The following MCTP1 variants were observed in gnomAD, a reference collection of about 807,000 sequenced individuals.
The protein encoded by MCTP1 is multiple C2 and transmembrane domain containing 1.
In MCTP1, 69 loss-of-function variants were observed where a neutral mutation model predicts 120.6. That is an observed-to-expected ratio of 0.57 (90% CI 0.47 to 0.70). MCTP1 has a LOEUF of 0.70. Among genes scored for constraint, MCTP1 ranks in the 30% least tolerant of loss-of-function variants. MCTP1 has a pLI of 0.00. For missense variants in MCTP1, 1,203 were observed against 1,248.8 expected (o/e 0.96, Z 0.55); for synonymous variants, 529 against 493.1 (o/e 1.07, Z -0.96).
At chr5:94,871,497 G>T in intron 13 of MCTP1, 80 bp from the exon 14 acceptor site, 1 of 928,006 alleles carries the variant, frequency 1.1e-6, no homozygotes, top group Non-Finnish European at 1.7e-6. Context: ...AATTTAGATA[G>T]CTCCAGCTGA....
At chr5:94,975,908 G>A (rs150397523) in intron 2 of MCTP1, among the ~76,000 whole-genome samples, 33 of 152,180 alleles carry the variant, frequency 2.2e-4, no homozygotes, top group Non-Finnish European at 4.4e-4. Context: ...AGGCCTTGCT[G>A]TTTATTTCTG....
chr5:94,790,947 TA>T (rs1258560677), intron 18 of MCTP1, among the ~76,000 whole-genome samples: 2 of 151,816 alleles, frequency 1.3e-5, no homozygotes, highest in Non-Finnish European at 2.9e-5. Flanking sequence ...AAAATTTCTT[TA>T]GGATTTTCTT....
chr5:95,284,075 G>A lies in MCTP1; in HGVS notation c.501C>T (p.Ser167=). The change falls in exon 1 of 23, where the codon TCC becomes TCT. Residue 167 remains serine (S), a synonymous_variant. Transcript: ENST00000515393. This position sits in a 1 kb window ranked among gnomAD's most constrained non-coding sequence, Gnocchi z 5.2. ...CCCTCGGGGGAGGCTGGGGCGAGGAGGACAGGGAGGATGAGGCGGAGGAAG... is the reference window on the plus strand; with the variant it reads ...CCCTCGGGGGAGGCTGGGGCGAGGAAGACAGGGAGGATGAGGCGGAGGAAG... ...PSSSSASSSL[S]SSPQPPPRGD... The A allele has an allele frequency of 6.5e-7, 1 of 1,548,988 alleles. No homozygotes were observed. The highest frequency in any genetic ancestry group is 2.4e-5 in the East Asian group (1 of 41,104).
intron 19 of MCTP1, among the ~76,000 whole-genome samples, chr5:94,777,549 C>T (rs947949409): frequency 2.0e-5 from 3 of 152,124 alleles, no homozygotes; most frequent in Admixed American, 6.6e-5. Context: ...GAAATGCCTG[C>T]TGCTGGGGTG....
intron 7 of MCTP1, among the ~76,000 whole-genome samples, chr5:94,922,295 A>G (rs982550568): frequency 2.6e-5 from 4 of 152,194 alleles, no homozygotes; most frequent in Non-Finnish European, 4.4e-5. Flanking sequence ...TAAGAGGAAA[A>G]CTTGGAAGTA....
At chr5:94,849,482 A>G (rs1793187588) in intron 17 of MCTP1, among the ~76,000 whole-genome samples, 4 of 152,086 alleles carry the variant, frequency 2.6e-5, no homozygotes, top group African/African-American at 9.7e-5. Flanking sequence ...TTCATCCTCT[A>G]GGGCCCAGCT....
chr5:95,061,420 T>G (rs1250268871), intron 1 of MCTP1, among the ~76,000 whole-genome samples: 401 of 22,056 alleles, frequency 0.018, 15 homozygotes, highest in African/African-American at 0.058. Flanking sequence ...TTTTTTTTTT[T>G]TTTTTTTTTT....
chr5:95,193,062 T>A (rs1031625525), intron 1 of MCTP1, among the ~76,000 whole-genome samples: 15 of 152,176 alleles, frequency 9.9e-5, no homozygotes, highest in Non-Finnish European at 1.5e-4. Flanking sequence ...TAAAGTTGTA[T>A]CCTAATAAGT....
intron 13 of MCTP1, among the ~76,000 whole-genome samples, chr5:94,871,834 T>C: frequency 6.6e-6 from 1 of 152,082 alleles, no homozygotes; most frequent in East Asian, 1.9e-4. Flanking sequence ...AGTTACAGTA[T>C]ATTTTATGTA....
intron 19 of MCTP1, among the ~76,000 whole-genome samples, chr5:94,755,103 C>G (rs975778915): frequency 2.6e-5 from 4 of 152,320 alleles, no homozygotes; most frequent in African/African-American, 7.2e-5. Context: ...AGTCCTCCCA[C>G]TTTCTCCAGA....
chr5:94,730,173 T>G (rs1180066149), intron 19 of MCTP1, among the ~76,000 whole-genome samples: 1 of 152,172 alleles, frequency 6.6e-6, no homozygotes, highest in Non-Finnish European at 1.5e-5. Context: ...TGAGACTTAG[T>G]TTTTTGAGAC....
chr5:94,866,138 A>G (rs1796747109), intron 17 of MCTP1, among the ~76,000 whole-genome samples: 1 of 151,932 alleles, frequency 6.6e-6, no homozygotes, highest in Non-Finnish European at 1.5e-5. Context: ...ACCCTTATTT[A>G]TCTGGCATCA....
intron 5 of MCTP1, among the ~76,000 whole-genome samples, chr5:94,934,637 GT>G (rs1430559399): frequency 1.3e-5 from 2 of 151,158 alleles, no homozygotes; most frequent in African/African-American, 4.9e-5. Context: ...CATACATCTT[GT>G]AAAGCATACA....
At chr5:95,013,156 A>G (rs1391031544) in intron 2 of MCTP1, among the ~76,000 whole-genome samples, 1 of 152,138 alleles carries the variant, frequency 6.6e-6, no homozygotes, top group Non-Finnish European at 1.5e-5. Context: ...ACCAAAGCCT[A>G]ATCCAGAACA....
intron 19 of MCTP1, among the ~76,000 whole-genome samples, chr5:94,760,678 T>A (rs1580528994): frequency 6.7e-6 from 1 of 150,102 alleles, no homozygotes; most frequent in African/African-American, 2.5e-5. Flanking sequence ...ACCTACAGTT[T>A]CTACAACAAA....
intron 1 of MCTP1, among the ~76,000 whole-genome samples, chr5:95,258,538 G>A (rs969898870): frequency 3.9e-5 from 6 of 152,058 alleles, no homozygotes; most frequent in South Asian, 2.1e-4. Flanking sequence ...AAAAACTAAC[G>A]AGACCTTAAT....
chr5:94,787,193 A>G (rs1163275227), intron 18 of MCTP1, among the ~76,000 whole-genome samples: 1 of 152,242 alleles, frequency 6.6e-6, no homozygotes, highest in Non-Finnish European at 1.5e-5. Context: ...TTTGTATTAC[A>G]ATAATCAAGA....
intron 1 of MCTP1, among the ~76,000 whole-genome samples, chr5:95,237,520 C>T (rs1227014250): frequency 6.6e-6 from 1 of 152,086 alleles, no homozygotes; most frequent in South Asian, 2.1e-4. Flanking sequence ...TCCTGGGTGG[C>T]TACTTGCTGC....
At chr5:94,921,376 C>A (rs17421267) in intron 7 of MCTP1, among the ~76,000 whole-genome samples, 3,812 of 152,288 alleles carry the variant, frequency 0.025, 89 homozygotes, top group South Asian at 0.044. Flanking sequence ...GATGTTCCAG[C>A]TGAGCAAGTT....
Sources: gnomAD v4.1 joint callset for allele counts (sites outside exome capture counted in the v4.1 genomes callset) on GRCh38, gnomAD v4.1.1 for gene constraint, Gnocchi (gnomAD v3.1) non-coding constraint, MANE v1.5 for transcripts, NCBI Gene and HGNC (gene_info 2026-07-23, HGNC 2026-07-21) for gene names.